FLNB: variants seen among roughly 807,000 people sequenced by gnomAD.
FLNB encodes filamin-B.
In FLNB, 111 loss-of-function variants were observed where a neutral mutation model predicts 250.6. The ratio of observed to expected loss-of-function variants is 0.44; its 90% CI spans 0.38 to 0.52. The LOEUF (loss-of-function observed/expected upper bound fraction) is 0.52. Ranked by LOEUF, FLNB falls within the 20% of genes least tolerant of loss-of-function variation. FLNB has a pLI of 0.00. For missense variants in FLNB, 2,869 were observed against 3,447.8 expected (o/e 0.83, Z 4.20); for synonymous variants, 1,302 against 1,372.1 (o/e 0.95, Z 1.13).
intron 3 of FLNB, among the ~76,000 whole-genome samples, chr3:58,079,178 G>A (rs2097205612): frequency 6.6e-6 from 1 of 152,042 alleles, no homozygotes; most frequent in African/African-American, 2.4e-5. Flanking sequence ...GAAATTGATA[G>A]TATTTGACCA....
At position 58,077,084 on chromosome 3, in the gene FLNB, T is replaced by C. The variant is rs766684109; in HGVS notation, c.331T>C (p.Leu111=). The change falls in exon 2 of 46, where the codon TTG becomes CTG. Residue 111 remains leucine (L), a synonymous_variant. Transcript: ENST00000295956. ...AIVDGNLKLI[L]GLVWTLILHY... ...TGTGGATGGGAACCTGAAGCTCATC[T>C]TGGGTCTGGTGTGGACGCTGATCCT... 1.2e-6 allele frequency: 2 copies of C among 1,614,042 alleles called. No individual in the cohort carries two copies. The highest frequency in any genetic ancestry group is 2.7e-5 in the African/African-American group (2 of 74,928).
At chr3:58,054,320 A>T (rs1043186703) in intron 1 of FLNB, among the ~76,000 whole-genome samples, 1 of 152,244 alleles carries the variant, frequency 6.6e-6, no homozygotes, top group Non-Finnish European at 1.5e-5. Context: ...TTCAATAGGT[A>T]CATGTGGCTT....
chr3:58,109,843 G>A, intron 15 of FLNB, 144 bp downstream of exon 15: 1 of 1,396,906 alleles, frequency 7.2e-7, no homozygotes, highest in Non-Finnish European at 1.0e-6. Flanking sequence ...ATTCCTTAGT[G>A]ATATCTTTGC....
rs2097140119 is a variant in FLNB at position 58,037,753 on chromosome 3, C to G, written c.292+28897C>G. Among the ~76,000 whole-genome samples the G allele has an allele frequency of 2.0e-5, 3 of 152,140 alleles. No individual in the cohort carries two copies. In the South Asian group the frequency reaches 6.2e-4, roughly 32 times the overall value. On this transcript the variant is annotated intron_variant, in intron 1 of 45. Transcript: ENST00000295956. The stretch of plus-strand genomic sequence containing the variant: ...GCATGGTTTCTGCCTACTCCAGGTG[C>G]CAGTATTATTTTGTGAATGTTTTTT...
intron 4 of FLNB, among the ~76,000 whole-genome samples, chr3:58,084,769 C>G (rs542573295): frequency 1.3e-5 from 2 of 152,120 alleles, no homozygotes; most frequent in East Asian, 3.8e-4. Flanking sequence ...CCCATTCTCC[C>G]CTCTCCTCTG....
At chr3:58,099,327 T>G (rs531923042) in intron 8 of FLNB, among the ~76,000 whole-genome samples, 2 of 152,216 alleles carry the variant, frequency 1.3e-5, no homozygotes, top group East Asian at 3.9e-4. Flanking sequence ...CCAGCCTGTG[T>G]GTTGCAGGTG....
At chr3:58,014,704 G>A (rs1013969954) in intron 1 of FLNB, among the ~76,000 whole-genome samples, 3 of 152,112 alleles carry the variant, frequency 2.0e-5, no homozygotes, top group Non-Finnish European at 4.4e-5. Flanking sequence ...TAGCTCCATG[G>A]TCAGGGTGCC....
chr3:58,075,115 C>T (rs2097199868), intron 1 of FLNB, among the ~76,000 whole-genome samples: 1 of 151,988 alleles, frequency 6.6e-6, no homozygotes, highest in Admixed American at 6.6e-5. Flanking sequence ...CCATGCACCC[C>T]TTATCAGCAT....
chr3:58,137,668 C>G (rs2097318799), intron 28 of FLNB, among the ~76,000 whole-genome samples: 1 of 152,220 alleles, frequency 6.6e-6, no homozygotes, highest in Admixed American at 6.5e-5. Flanking sequence ...AAGAGAGAGA[C>G]TGGTCACTGG....
At chr3:58,160,054 AAAC>A (rs2097359003) in intron 42 of FLNB, among the ~76,000 whole-genome samples, 1 of 152,140 alleles carries the variant, frequency 6.6e-6, no homozygotes, top group South Asian at 2.1e-4. Flanking sequence ...AAAAACAAAA[AAAC>A]AAAAAAACAC....
At chr3:58,037,352 AC>A (rs1160418938) in intron 1 of FLNB, among the ~76,000 whole-genome samples, 2 of 152,196 alleles carry the variant, frequency 1.3e-5, no homozygotes, top group African/African-American at 2.4e-5. Context: ...GGCGTAAGCC[AC>A]CACGCCTGGC....
In FLNB at chr3:58,082,493, G is replaced by T. The variant is rs145350374; in HGVS notation, c.787+717G>T. The stretch of plus-strand genomic sequence containing the variant: ...TTTCATAATTAAGAAAATATCGGCC[G>T]GGTGTGATGGTTCATGCCTATAATC... On this transcript the variant is annotated intron_variant, in intron 4 of 45. Coordinates refer to ENST00000295956, the MANE Select transcript of FLNB (RefSeq NM_001457.4). 2.6e-5 allele frequency among the ~76,000 whole-genome samples: 4 copies of T among 152,178 alleles called. No homozygotes were observed. In the East Asian group the frequency reaches 7.7e-4, roughly 29 times the overall value.
At chr3:58,079,281 C>CT (rs1237756848) in intron 3 of FLNB, among the ~76,000 whole-genome samples, 1 of 145,390 alleles carries the variant, frequency 6.9e-6, no homozygotes, top group Non-Finnish European at 1.5e-5. Flanking sequence ...GAGATGGAGT[C>CT]TCGCTTTGTC....
At position 58,148,674 on chromosome 3, in the gene FLNB, G is replaced by A. The variant is rs778649817; in HGVS notation, c.5913G>A (p.Val1971=). Residue 1971 remains valine (V), a synonymous_variant, in exon 36 of 46, where the codon GTG becomes GTA. Coordinates refer to ENST00000295956, the MANE Select transcript of FLNB (RefSeq NM_001457.4). The part of the protein sequence containing the change: ...HIGISFIPRE[V]GEHLVSIKKN... ...GCATCTCCTTCATCCCCCGGGAAGT[G>A]GGCGAACATCTGGTCAGCATCAAGA... 2 of 1,614,118 alleles carry A rather than the reference G, an allele frequency of 1.2e-6. No homozygotes were observed. The highest frequency in any genetic ancestry group is 4.5e-5 in the East Asian group (2 of 44,874).
intron 1 of FLNB, among the ~76,000 whole-genome samples, chr3:58,051,062 A>T (rs1439965190): frequency 1.3e-5 from 2 of 152,148 alleles, no homozygotes; most frequent in African/African-American, 4.8e-5. Context: ...CAGCCTGGCC[A>T]TTCGTCACTT....
intron 24 of FLNB, among the ~76,000 whole-genome samples, chr3:58,127,987 C>T (rs1480672759): frequency 6.6e-6 from 1 of 152,200 alleles, no homozygotes; most frequent in East Asian, 1.9e-4. Context: ...GGACAGAAGA[C>T]CGAGGGCTGG....
chr3:58,155,073 C>T (rs576182710), intron 40 of FLNB, 145 bp downstream of exon 40: 5 of 828,208 alleles, frequency 6.0e-6, no homozygotes, highest in South Asian at 4.4e-5. Context: ...AATCCAGTTG[C>T]AAGATACATG....
intron 1 of FLNB, among the ~76,000 whole-genome samples, chr3:58,052,306 A>G (rs1246996963): frequency 6.6e-6 from 1 of 152,188 alleles, no homozygotes; most frequent in East Asian, 1.9e-4. Flanking sequence ...GTACCACCAT[A>G]TGAGGGGACA....
chr3:58,105,329 T>C, intron 11 of FLNB, 113 bp downstream of exon 11: 1 of 1,320,222 alleles, frequency 7.6e-7, no homozygotes, highest in Non-Finnish European at 1.1e-6. Flanking sequence ...TTTAGCTTCC[T>C]GGCCTCCTGG....
Sources: gnomAD v4.1 joint callset for allele counts (sites outside exome capture counted in the v4.1 genomes callset) on GRCh38, gnomAD v4.1.1 for gene constraint, MANE v1.5 for transcripts, NCBI Gene and HGNC (gene_info 2026-07-23, HGNC 2026-07-21) for gene names.